ARFIP1: variants seen among roughly 807,000 people sequenced by gnomAD.
The protein encoded by ARFIP1 is arfaptin-1.
In ARFIP1, 24 loss-of-function variants were observed where a neutral mutation model predicts 42.5. The observed-to-expected ratio is 0.57, with a 90% CI of 0.41 to 0.80. The LOEUF is 0.80. Ranked by LOEUF, ARFIP1 falls within the 30% of genes least tolerant of loss-of-function variation. ARFIP1 has a pLI of 0.00. For missense variants in ARFIP1, 354 were observed against 434.0 expected, an observed-to-expected ratio of 0.82 and a Z score of 1.64; for synonymous variants, 141 against 153.7, an observed-to-expected ratio of 0.92 and a Z score of 0.61.
chr4:152,897,321 T>A (rs994962157), intron 8 of ARFIP1, among the ~76,000 whole-genome samples: 24 of 152,138 alleles, frequency 1.6e-4, no homozygotes, highest in South Asian at 6.2e-4. Flanking sequence ...CATATAGTTT[T>A]TTTTTTTTAC....
At chr4:152,826,709 G>A (rs1371793426) in intron 1 of ARFIP1, among the ~76,000 whole-genome samples, 2 of 152,056 alleles carry the variant, frequency 1.3e-5, no homozygotes, top group Non-Finnish European at 2.9e-5. Flanking sequence ...TTGAAAGCAG[G>A]ATCTTGCAGG....
intron 1 of ARFIP1, among the ~76,000 whole-genome samples, chr4:152,820,063 G>C (rs1313498893): frequency 6.6e-6 from 1 of 152,044 alleles, no homozygotes; most frequent in African/African-American, 2.4e-5. Context: ...CTGGAACACT[G>C]GGTCAAGAGT....
At chr4:152,837,298 G>A (rs1731732802) in intron 2 of ARFIP1, among the ~76,000 whole-genome samples, 2 of 152,182 alleles carry the variant, frequency 1.3e-5, no homozygotes, top group South Asian at 4.1e-4. Flanking sequence ...ACCCAGGAGT[G>A]GGATTGCTGG....
At chr4:152,822,296 T>TAAAAAAAAAAAAAAAAAAAAAAAACAA (rs70949618) in intron 1 of ARFIP1, among the ~76,000 whole-genome samples, 2 of 65,578 alleles carry the variant, frequency 3.0e-5, no homozygotes, top group African/African-American at 5.1e-5. Flanking sequence ...GCAACAGCAG[T>TAAAAAAAAAAAAAAAAAAAAAAAACAA]AAAAAAAAAA....
chr4:152,804,241 A>ATT (rs1491298205), intron 1 of ARFIP1, among the ~76,000 whole-genome samples: 12 of 15,698 alleles, frequency 7.6e-4, no homozygotes, highest in Non-Finnish European at 8.7e-4. Flanking sequence ...TATTATATAT[A>ATT]ATATATAATA....
chr4:152,788,801 C>CTTTTTT (rs138189664), intron 1 of ARFIP1, among the ~76,000 whole-genome samples: 27 of 113,408 alleles, frequency 2.4e-4, no homozygotes, highest in East Asian at 5.0e-4. Context: ...TCCCCAATGT[C>CTTTTTT]TTTTTTTTTT....
intron 1 of ARFIP1, among the ~76,000 whole-genome samples, chr4:152,814,777 G>C (rs532223060): frequency 2.0e-5 from 3 of 152,298 alleles, no homozygotes; most frequent in Admixed American, 1.3e-4. Flanking sequence ...GGGTACCCTG[G>C]CCACTGCTGG....
At chr4:152,897,513 A>G (rs573971897) in intron 8 of ARFIP1, among the ~76,000 whole-genome samples, 7 of 152,332 alleles carry the variant, frequency 4.6e-5, no homozygotes, top group African/African-American at 1.4e-4. Context: ...GTCAGAAGCT[A>G]TCAACTTACT....
intron 1 of ARFIP1, among the ~76,000 whole-genome samples, chr4:152,818,072 TC>T (rs1730051269): frequency 6.6e-6 from 1 of 152,200 alleles, no homozygotes; most frequent in South Asian, 2.1e-4. Flanking sequence ...TAAAAATAGT[TC>T]TTTTTTCCCC....
At chr4:152,836,661 T>C (rs917788175) in intron 2 of ARFIP1, among the ~76,000 whole-genome samples, 1 of 152,354 alleles carries the variant, frequency 6.6e-6, no homozygotes, top group Admixed American at 6.5e-5. Flanking sequence ...TTCTTTGAGG[T>C]TGCCTTGCAC....
intron 2 of ARFIP1, among the ~76,000 whole-genome samples, chr4:152,850,890 T>C (rs1397723834): frequency 6.6e-6 from 1 of 152,236 alleles, no homozygotes; most frequent in Non-Finnish European, 1.5e-5. Flanking sequence ...GGGGGGTTAA[T>C]AGTGTTACAG....
chr4:152,815,772 TCTCG>T (rs907716466), intron 1 of ARFIP1, among the ~76,000 whole-genome samples: 1 of 131,682 alleles, frequency 7.6e-6, no homozygotes, highest in African/African-American at 2.9e-5. Flanking sequence ...TGAGACGGAG[TCTCG>T]CTCTGTCGCC....
intron 1 of ARFIP1, among the ~76,000 whole-genome samples, chr4:152,803,774 G>A (rs573117477): frequency 6.6e-6 from 1 of 151,694 alleles, no homozygotes; most frequent in Non-Finnish European, 1.5e-5. Context: ...GCAGAAGACA[G>A]CCCTAATGAT....
chr4:152,877,844 C>A (rs1290447560), intron 5 of ARFIP1, among the ~76,000 whole-genome samples: 2 of 152,168 alleles, frequency 1.3e-5, no homozygotes, highest in African/African-American at 4.8e-5. Context: ...TTGCTTCTTT[C>A]TTATTTTCTC....
At chr4:152,798,601 T>C (rs1313481016) in intron 1 of ARFIP1, among the ~76,000 whole-genome samples, 1 of 152,242 alleles carries the variant, frequency 6.6e-6, no homozygotes, top group Non-Finnish European at 1.5e-5. Flanking sequence ...CCATGTTGTA[T>C]TATTTTCTTA....
chr4:152,863,988 G>A (rs1009400624), intron 3 of ARFIP1, among the ~76,000 whole-genome samples: 4 of 152,138 alleles, frequency 2.6e-5, no homozygotes, highest in East Asian at 1.9e-4. Context: ...TGTCAGAAAT[G>A]TAGATGTAGA....
chr4:152,881,043 A>G lies in ARFIP1; in HGVS notation c.492A>G (p.Ile164Met). The G allele has an allele frequency of 6.2e-7, 1 of 1,613,874 alleles. No homozygotes were observed. Among genetic ancestry groups the G allele is most frequent in the South Asian group, 1.1e-5 (1 of 91,054 alleles). ...VDLELEAQID[I>M]LRDNKKKYEN... is the part of the protein sequence containing the mutation. ...TTGAACTTGAAGCTCAGATTGATAT[A>G]TTAAGGGATAACAAGAAAAAATATG... The change falls in exon 6 of 9, where the codon ATA (isoleucine) becomes ATG (methionine). Residue 164 changes from isoleucine to methionine, a missense_variant. Physicochemically the swap from Ile to Met is conservative, Grantham distance 10. Coordinates refer to ENST00000353617, the MANE Select transcript of ARFIP1 (RefSeq NM_001025595.3).
chr4:152,806,358 C>T (rs970514695), intron 1 of ARFIP1, among the ~76,000 whole-genome samples: 2 of 151,938 alleles, frequency 1.3e-5, no homozygotes, highest in African/African-American at 4.8e-5. Flanking sequence ...TGATATAGTT[C>T]CTCTTTGTAG....
rs542967380 is a variant in ARFIP1, at chr4:152,889,787, ATAT to A, written c.966+1484_966+1486del. Among the ~76,000 whole-genome samples the A allele has an allele frequency of 8.3e-3, 511 of 61,404 alleles. 4 individuals are homozygous for A. Among genetic ancestry groups the A allele is most frequent in the African/African-American group, 0.051 (472 of 9,186 alleles). 40.3% of individuals were successfully genotyped at this position (61,404 alleles called of 152,430 possible). A position where few individuals can be genotyped will look rare whatever the true frequency, so the allele number is the denominator to read the frequency against. On this transcript the variant is annotated intron_variant, in intron 8 of 8. Coordinates refer to ENST00000353617, the MANE Select transcript of ARFIP1 (RefSeq NM_001025595.3). ...CTATACTATATACTATATATACTAT[ATAT>A]TATATACTATACTATATACTATATA...
Sources: gnomAD v4.1 joint callset for allele counts (sites outside exome capture counted in the v4.1 genomes callset) on GRCh38, gnomAD v4.1.1 for gene constraint, MANE v1.5 for transcripts, NCBI Gene and HGNC (gene_info 2026-07-23, HGNC 2026-07-21) for gene names.